PKP4: variants seen among roughly 807,000 people sequenced by gnomAD.
PKP4 encodes the protein plakophilin-4.
PKP4 carries 90 observed loss-of-function variants against 145.1 expected under a neutral mutation model. That is an observed-to-expected ratio of 0.62 (90% confidence interval 0.52 to 0.74). The LOEUF (loss-of-function observed/expected upper bound fraction) is 0.74. PKP4 is among the 30% of genes least tolerant of loss of function. The pLI is 0.00. For missense variants in PKP4, 1,340 were observed against 1,482.7 expected (o/e 0.90, Z 1.58); for synonymous variants, 563 against 577.2 (o/e 0.98, Z 0.35).
chr2:158,535,909 A>G (rs750478755), intron 2 of PKP4, among the ~76,000 whole-genome samples: 1 of 152,140 alleles, frequency 6.6e-6, no homozygotes, highest in Non-Finnish European at 1.5e-5. Context: ...TAACCATGTG[A>G]CCTTGGAAAG....
At chr2:158,475,147 C>T (rs1470398673) in intron 1 of PKP4, among the ~76,000 whole-genome samples, 2 of 152,190 alleles carry the variant, frequency 1.3e-5, no homozygotes, top group African/African-American at 4.8e-5. Context: ...GATCTCTGCT[C>T]TTTCTACTAG....
intron 16 of PKP4, among the ~76,000 whole-genome samples, chr2:158,668,041 G>A (rs1388893051): frequency 1.3e-5 from 2 of 152,200 alleles, no homozygotes; most frequent in Non-Finnish European, 2.9e-5. Flanking sequence ...CTGGTACTGT[G>A]AAGTGCTAAG....
At chr2:158,591,080 C>G (rs996911938) in intron 3 of PKP4, among the ~76,000 whole-genome samples, 15 of 152,136 alleles carry the variant, frequency 9.9e-5, no homozygotes, top group African/African-American at 3.6e-4. Context: ...CTGATACATT[C>G]ATTAGAACCA....
At chr2:158,592,257 T>C (rs575937900) in intron 3 of PKP4, among the ~76,000 whole-genome samples, 2 of 152,142 alleles carry the variant, frequency 1.3e-5, no homozygotes, top group African/African-American at 4.8e-5. Context: ...ATGAGAGTTT[T>C]CAGAGGGATT....
intron 2 of PKP4, among the ~76,000 whole-genome samples, chr2:158,538,816 A>G (rs188591901): frequency 5.3e-5 from 8 of 152,312 alleles, no homozygotes; most frequent in African/African-American, 1.9e-4. Context: ...TGCTGGGATT[A>G]CAGGTGTGAG....
intron 1 of PKP4, among the ~76,000 whole-genome samples, chr2:158,478,128 T>C (rs1261408565): frequency 1.3e-5 from 2 of 152,164 alleles, no homozygotes. Context: ...AAGCTTAATG[T>C]TAACCTCATG....
At chr2:158,501,715 C>A (rs1297177327) in intron 1 of PKP4, among the ~76,000 whole-genome samples, 3 of 152,226 alleles carry the variant, frequency 2.0e-5, no homozygotes, top group Non-Finnish European at 4.4e-5. Flanking sequence ...CCAAATTTCA[C>A]AGATCTGTGA....
chr2:158,530,420 T>C (rs145434539), intron 1 of PKP4, among the ~76,000 whole-genome samples: 1 of 151,584 alleles, frequency 6.6e-6, no homozygotes, highest in East Asian at 1.9e-4. Flanking sequence ...ATGTGATCAG[T>C]CAAATCAAGC....
At chr2:158,597,080 G>C (rs2049819508) in intron 3 of PKP4, among the ~76,000 whole-genome samples, 1 of 152,170 alleles carries the variant, frequency 6.6e-6, no homozygotes, top group East Asian at 1.9e-4. Flanking sequence ...CATAGTGCTG[G>C]GCCCTGTGAC....
Position 158,588,838 on chromosome 2 carries a change from T to C in PKP4, c.245+11455T>C, listed in dbSNP as rs960562310. 6.4e-4 allele frequency: 97 copies of C among 152,206 alleles called. 1 individual carries two copies. The highest frequency in any genetic ancestry group is 2.3e-3 in the African/African-American group (94 of 41,458). 9.4% of individuals were successfully genotyped at this position (152,206 alleles called of 1,614,324 possible). A position where few individuals can be genotyped will look rare whatever the true frequency, so the allele number is the denominator to read the frequency against. ...TATTTTTTTCTGCAAATATTTATGATGTCTTTTCTAAATTCATTCACTAAA... is the reference window on the plus strand; with the variant it reads ...TATTTTTTTCTGCAAATATTTATGACGTCTTTTCTAAATTCATTCACTAAA... On this transcript the variant is annotated intron_variant, in intron 3 of 21. Coordinates refer to ENST00000389759, the MANE Select transcript of PKP4 (RefSeq NM_003628.6).
intron 7 of PKP4, among the ~76,000 whole-genome samples, chr2:158,627,694 T>C (rs1022058960): frequency 6.6e-6 from 1 of 150,846 alleles, no homozygotes; most frequent in South Asian, 2.1e-4. Flanking sequence ...AGAATAATCA[T>C]GGCATGTAAA....
At position 158,676,616 on chromosome 2, in the gene PKP4, A is replaced by G. The variant is rs143448174; in HGVS notation, c.3128-123A>G. On this transcript the variant is annotated intron_variant, in intron 19 of 21. Transcript: ENST00000389759. ...CTCCCAGCACCTCTGAGATATTTTC[A>G]GCACCAGCTGTGTGTCATTTCTAGT... 3.4e-4 allele frequency: 393 copies of G among 1,171,526 alleles called. 2 individuals are homozygous for G. In the African/African-American group the frequency reaches 5.3e-3, roughly 16 times the overall value. The allele number at this position is 1,171,526 out of a possible 1,614,324, so 72.6% of individuals were successfully genotyped here.
intron 2 of PKP4, among the ~76,000 whole-genome samples, chr2:158,570,481 T>C (rs2047327516): frequency 6.6e-6 from 1 of 152,216 alleles, no homozygotes; most frequent in Admixed American, 6.5e-5. Context: ...TATAAAACTC[T>C]CAGTATACTA....
intron 2 of PKP4, among the ~76,000 whole-genome samples, chr2:158,547,880 G>T (rs1019939241): frequency 1.3e-5 from 2 of 152,204 alleles, no homozygotes; most frequent in African/African-American, 4.8e-5. Context: ...CACACATTAG[G>T]CTGAGCGTCG....
At chr2:158,586,928 T>G (rs2048848107) in intron 3 of PKP4, among the ~76,000 whole-genome samples, 1 of 152,254 alleles carries the variant, frequency 6.6e-6, no homozygotes. Context: ...TCAACCAGTA[T>G]TGCAGTAAGC....
At chr2:158,616,649 G>A (rs1024976055) in intron 4 of PKP4, among the ~76,000 whole-genome samples, 1 of 152,094 alleles carries the variant, frequency 6.6e-6, no homozygotes, top group Non-Finnish European at 1.5e-5. Context: ...TTATGTAAGG[G>A]CAAACCCCTA....
At chr2:158,468,770 CT>C (rs58577988) in intron 1 of PKP4, among the ~76,000 whole-genome samples, 12 of 109,970 alleles carry the variant, frequency 1.1e-4, no homozygotes, top group African/African-American at 1.7e-4. Context: ...TCTTCTTCTT[CT>C]TTTTTTTTTT....
chr2:158,487,370 G>A (rs1694318409), intron 1 of PKP4, among the ~76,000 whole-genome samples: 1 of 152,106 alleles, frequency 6.6e-6, no homozygotes. Flanking sequence ...TAATCATTAT[G>A]TGTGTTTTAC....
At chr2:158,660,269 C>G (rs2056432823) in intron 12 of PKP4, 3 of 152,640 alleles carry the variant, frequency 2.0e-5, no homozygotes, top group Non-Finnish European at 4.4e-5. Flanking sequence ...ATCCGCAATT[C>G]TAGAGAGCAG....
Sources: gnomAD v4.1 joint callset for allele counts (sites outside exome capture counted in the v4.1 genomes callset) on GRCh38, gnomAD v4.1.1 for gene constraint, MANE v1.5 for transcripts, NCBI Gene and HGNC (gene_info 2026-07-23, HGNC 2026-07-21) for gene names.